Variants in TET3 observed in about 807,000 individuals in gnomAD.
TET3 encodes the protein tet methylcytosine dioxygenase 3.
TET3 carries 19 observed loss-of-function variants against 141.4 expected under a neutral mutation model. That is an observed-to-expected ratio of 0.13 (90% CI 0.09 to 0.20). TET3 has a LOEUF of 0.20. Ranked by LOEUF, TET3 falls within the 10% of genes least tolerant of loss-of-function variation. The pLI is 1.00. For missense variants in TET3, 1,874 were observed against 2,356.9 expected (o/e 0.80, Z 4.24); for synonymous variants, 1,043 against 980.9 (o/e 1.06, Z -1.18).
At chr2:74,084,235 C>A (rs961397284) in intron 6 of TET3, among the ~76,000 whole-genome samples, 1 of 152,216 alleles carries the variant, frequency 6.6e-6, no homozygotes. Context: ...CATGCTACAA[C>A]ATGGTTAGGA....
intron 10 of TET3, among the ~76,000 whole-genome samples, chr2:74,094,751 G>C (rs1690708457): frequency 6.6e-6 from 1 of 152,186 alleles, no homozygotes; most frequent in Non-Finnish European, 1.5e-5. Context: ...TATGTGAGCA[G>C]GACTTGAGGA....
chr2:73,994,646 T>A (rs1241696830), intron 2 of TET3, among the ~76,000 whole-genome samples: 2 of 145,242 alleles, frequency 1.4e-5, no homozygotes. Context: ...TTCTTTTTTT[T>A]TTTTTTTTTT....
chr2:74,086,959 T>G (rs1012317076), intron 6 of TET3, among the ~76,000 whole-genome samples: 2 of 152,232 alleles, frequency 1.3e-5, no homozygotes, highest in African/African-American at 4.8e-5. Context: ...TCTGCACCCA[T>G]TAACAATAAT....
chr2:74,069,995 G>A (rs149470338), intron 4 of TET3, among the ~76,000 whole-genome samples: 2,569 of 152,152 alleles, frequency 0.017, 68 homozygotes, highest in Non-Finnish European at 0.017. Flanking sequence ...TTTTTATTAA[G>A]TTGAACCATA....
At chr2:74,051,605 C>A (rs1456225829) in intron 4 of TET3, among the ~76,000 whole-genome samples, 14 of 152,110 alleles carry the variant, frequency 9.2e-5, no homozygotes. Context: ...GTAGGAGACC[C>A]GTTAGGAAGC....
chr2:74,092,811 C>T lies in TET3; in HGVS notation c.3040-91C>T, dbSNP rs779503661. On this transcript the variant is annotated intron_variant, in intron 8 of 11. Transcript: ENST00000409262. ...ATAACACCTCCCTCCCAGCCTCCCC[C>T]ACGATGCTTCAGGAATGCCAGTCCA... 88 of 1,128,810 alleles carry T rather than the reference C, an allele frequency of 7.8e-5. No individual in the cohort carries two copies. The East Asian group carries it at 2.1e-3, about 26-fold the overall frequency. The allele number at this position is 1,128,810 out of a possible 1,614,324, so 69.9% of individuals were successfully genotyped here.
intron 3 of TET3, among the ~76,000 whole-genome samples, chr2:74,015,430 T>A (rs2105214504): frequency 6.6e-6 from 1 of 152,336 alleles, no homozygotes; most frequent in Admixed American, 6.5e-5. Flanking sequence ...TTTATATATA[T>A]CTTTCCAGAC....
chr2:74,065,756 TCTC>T (rs1688864316), intron 4 of TET3, among the ~76,000 whole-genome samples: 1 of 151,170 alleles, frequency 6.6e-6, no homozygotes, highest in African/African-American at 2.4e-5. Context: ...CCTCTTCTCT[TCTC>T]TTTTGTTTTT....
chr2:74,089,811 A>AG, intron 7 of TET3, 86 bp from the exon 8 acceptor site: 1 of 1,543,508 alleles, frequency 6.5e-7, no homozygotes, highest in South Asian at 1.2e-5. Context: ...GCCAGGGCTC[A>AG]GCAGGGCCAC....
At chr2:74,062,292 G>A (rs1688637354) in intron 4 of TET3, among the ~76,000 whole-genome samples, 1 of 152,218 alleles carries the variant, frequency 6.6e-6, no homozygotes, top group African/African-American at 2.4e-5. Context: ...AAATATGCAA[G>A]AACTCAAATT....
intron 2 of TET3, among the ~76,000 whole-genome samples, chr2:73,997,429 C>T (rs539024346): frequency 2.4e-4 from 37 of 152,196 alleles, no homozygotes; most frequent in Non-Finnish European, 4.0e-4. Context: ...GAGAGAGGGA[C>T]GGCAGACTCT....
chr2:74,127,504 A>ATTTAAT, the TET3 span, among the ~76,000 whole-genome samples: 1 of 152,208 alleles, frequency 6.6e-6, no homozygotes, highest in Non-Finnish European at 1.5e-5. Flanking sequence ...GTAGACTACC[A>ATTTAAT]GCTTTAGGCA....
chr2:74,125,015 T>G, the TET3 span, among the ~76,000 whole-genome samples: 1 of 34,182 alleles, frequency 2.9e-5, no homozygotes, highest in Non-Finnish European at 4.3e-5. Context: ...TTTTTTTTCT[T>G]TTTTTTTTTG....
downstream of TET3, among the ~76,000 whole-genome samples, chr2:74,112,421 A>G (rs772369077): frequency 6.6e-6 from 1 of 152,194 alleles, no homozygotes; most frequent in Non-Finnish European, 1.5e-5. Context: ...AAACATTTAC[A>G]TAAACTATAA....
In TET3 at chr2:74,102,293, C is replaced by T; in HGVS notation, c.*117C>T. On this transcript the variant is annotated 3_prime_UTR_variant, in exon 12 of 12. Coordinates refer to ENST00000409262, the MANE Select transcript of TET3 (RefSeq NM_001287491.2). Reference sequence around the variant, plus strand: ...GCAGAAGTCTTTTTATCTCTATATACATATATAGATGCGCATATCATATAT... The same window carrying T: ...GCAGAAGTCTTTTTATCTCTATATATATATATAGATGCGCATATCATATAT... The T allele has an allele frequency of 4.0e-6, 5 of 1,259,882 alleles. No individual in the cohort carries two copies. The highest frequency in any genetic ancestry group is 5.1e-6 in the Non-Finnish European group (5 of 987,590). 78.0% of individuals were successfully genotyped at this position (1,259,882 alleles called of 1,614,324 possible).
chr2:73,999,014 C>T (rs4384817), intron 2 of TET3, among the ~76,000 whole-genome samples: 9,553 of 152,044 alleles, frequency 0.063, 343 homozygotes, highest in African/African-American at 0.085. Context: ...TTAGAAGCGC[C>T]GTTGGTTGGC....
chr2:73,984,852 G>T (rs1683915503), upstream of TET3, among the ~76,000 whole-genome samples: 2 of 147,302 alleles, frequency 1.4e-5, no homozygotes, highest in South Asian at 4.2e-4. This position sits in a 1 kb window ranked among gnomAD's most constrained non-coding sequence, Gnocchi z 5.6. Flanking sequence ...GCACGTGTGC[G>T]CCCTCCCGGG....
At chr2:74,030,340 T>G (rs888792816) in intron 3 of TET3, among the ~76,000 whole-genome samples, 4 of 152,244 alleles carry the variant, frequency 2.6e-5, no homozygotes, top group African/African-American at 9.6e-5. Flanking sequence ...ATTCTGCTAT[T>G]CTTCCTATTT....
In TET3 at chr2:74,104,150, A is replaced by G. The variant is rs1691378392; in HGVS notation, c.*1974A>G. The G allele has an allele frequency of 6.5e-6, 1 of 152,852 alleles. No individual in the cohort carries two copies. Among genetic ancestry groups the G allele is most frequent in the African/African-American group, 2.4e-5 (1 of 41,428 alleles). The allele number at this position is 152,852 out of a possible 1,614,324, so 9.5% of individuals were successfully genotyped here. A position where few individuals can be genotyped will look rare whatever the true frequency, so the allele number is the denominator to read the frequency against. ...TAAACAGCAACTTGAAAAAAAAAGT[A>G]TGTTTTAACATGTAATTGTGGGAGA... is the stretch of plus-strand genomic sequence containing the variant. On this transcript the variant is annotated 3_prime_UTR_variant, in exon 12 of 12. Transcript: ENST00000409262.
Sources: gnomAD v4.1 joint callset for allele counts (sites outside exome capture counted in the v4.1 genomes callset) on GRCh38, gnomAD v4.1.1 for gene constraint, Gnocchi (gnomAD v3.1) non-coding constraint, MANE v1.5 for transcripts, NCBI Gene and HGNC (gene_info 2026-07-23, HGNC 2026-07-21) for gene names.